ALMS1: variants seen among roughly 807,000 people sequenced by gnomAD.
The protein encoded by ALMS1 is centrosome-associated protein ALMS1.
In ALMS1, 271 loss-of-function variants were observed where a neutral mutation model predicts 352.2. The observed-to-expected ratio is 0.77, with a 90% CI of 0.70 to 0.85. The LOEUF is 0.85. Ranked by LOEUF, ALMS1 falls within the 40% of genes least tolerant of loss-of-function variation. The pLI, the probability that ALMS1 is intolerant of heterozygous loss-of-function variation, is 0.00. For missense variants in ALMS1, 5,445 were observed against 4,870.7 expected (o/e 1.12, Z -3.51); for synonymous variants, 1,865 against 1,761.2 (o/e 1.06, Z -1.48).
Position 73,450,902 on chromosome 2 carries a change from C to G in ALMS1, c.4375C>G (p.Pro1459Ala). 1 of 1,613,776 alleles carries G rather than the reference C, an allele frequency of 6.2e-7. No individual in the cohort carries two copies. The highest frequency in any genetic ancestry group is 1.1e-5 in the South Asian group (1 of 91,052). The stretch of plus-strand genomic sequence containing the variant: ...AGAGGCTTTGGAAGTTTCAGTTGCT[C>G]CTGGACCAGTTGACCAGACGATTGG... ...PEEALEVSVA[P>A]GPVDQTIGTP... Residue 1459 changes from proline to alanine, a missense_variant, in exon 8 of 23, where the codon CCT (proline) becomes GCT (alanine). Pro to Ala is a conservative substitution (Grantham distance 27). Transcript: ENST00000613296.
intron 10 of ALMS1, among the ~76,000 whole-genome samples, chr2:73,492,460 G>A (rs1332531491): frequency 1.3e-5 from 2 of 152,080 alleles, no homozygotes; most frequent in African/African-American, 4.8e-5. Flanking sequence ...AAGAGAAAGA[G>A]CATTCAAATG....
intron 19 of ALMS1, 78 bp downstream of exon 19, chr2:73,601,514 C>A (rs1675688358): frequency 1.9e-6 from 3 of 1,567,222 alleles, no homozygotes; most frequent in Non-Finnish European, 2.6e-6. Context: ...GGCTCTGTGA[C>A]TTGGTGAGCT....
chr2:73,394,465 C>G (rs1267438120), intron 1 of ALMS1, among the ~76,000 whole-genome samples: 2 of 152,120 alleles, frequency 1.3e-5, no homozygotes, highest in African/African-American at 4.8e-5. Context: ...AGTTCTCCTG[C>G]CTCAGCCTCC....
rs1670979074 is a variant in ALMS1 at position 73,406,635 on chromosome 2, C to A, written c.325-1987C>A. 2.6e-5 allele frequency among the ~76,000 whole-genome samples: 4 copies of A among 152,114 alleles called. No individual in the cohort carries two copies. The South Asian group carries it at 8.3e-4, about 32-fold the overall frequency. On this transcript the variant is annotated intron_variant, in intron 1 of 22. Transcript: ENST00000613296. ...TAAAACTCCTTAGGAGGATAACAACCTGTTTAAACTAGTAACAACTTCACT... is the reference window on the plus strand; with the variant it reads ...TAAAACTCCTTAGGAGGATAACAACATGTTTAAACTAGTAACAACTTCACT...
At position 73,451,755 on chromosome 2, in the gene ALMS1, A is replaced by C; in HGVS notation, c.5228A>C (p.Gln1743Pro). The change falls in exon 8 of 23, where the codon CAA becomes CCA. Residue 1743 changes from glutamine to proline, a missense_variant. Gln to Pro is a moderately conservative substitution (Grantham distance 76). Coordinates refer to ENST00000613296, the MANE Select transcript of ALMS1 (RefSeq NM_001378454.1). ...QEALKVSAVP[Q>P]PADQKTGLST... ...GCTCTGAAAGTTTCAGCTGTTCCTCAACCAGCTGACCAGAAGACTGGGTTA... is the reference window on the plus strand; with the variant it reads ...GCTCTGAAAGTTTCAGCTGTTCCTCCACCAGCTGACCAGAAGACTGGGTTA... 4.3e-6 allele frequency: 7 copies of C among 1,613,630 alleles called. No individual in the cohort carries two copies. Among genetic ancestry groups the C allele is most frequent in the South Asian group, 1.1e-5 (1 of 91,054 alleles).
intron 9 of ALMS1, chr2:73,462,669 A>G (rs964428709): frequency 1.3e-5 from 2 of 152,260 alleles, no homozygotes; most frequent in African/African-American, 4.8e-5. Flanking sequence ...GGCAAATTGG[A>G]TAAAGAGTCA....
chr2:73,557,687 A>G (rs764638591), intron 14 of ALMS1, among the ~76,000 whole-genome samples: 1 of 152,180 alleles, frequency 6.6e-6, no homozygotes, highest in Non-Finnish European at 1.5e-5. Context: ...CGGACCCTCT[A>G]ATACCATTTT....
intron 9 of ALMS1, among the ~76,000 whole-genome samples, chr2:73,471,217 ATCCT>A (rs906279880): frequency 1.4e-5 from 2 of 142,986 alleles, no homozygotes; most frequent in African/African-American, 2.6e-5. Context: ...TTTTGCTTTG[ATCCT>A]TCCTTTTTTT....
At chr2:73,435,134 A>G (rs1244703881) in intron 7 of ALMS1, among the ~76,000 whole-genome samples, 1 of 152,228 alleles carries the variant, frequency 6.6e-6, no homozygotes, top group African/African-American at 2.4e-5. Flanking sequence ...TGTATTATCA[A>G]AAATGATGTA....
intron 9 of ALMS1, among the ~76,000 whole-genome samples, chr2:73,476,862 C>T (rs780344082): frequency 1.3e-5 from 2 of 151,978 alleles, no homozygotes; most frequent in Non-Finnish European, 1.5e-5. Context: ...TTGTTAAGTT[C>T]TTGGAAACTG....
In ALMS1 at chr2:73,463,678, G is replaced by C. The variant is rs556808414; in HGVS notation, c.7674+8383G>C. ...GAATCCAGGAGCTGGTTTTTTGAAA[G>C]GATCAACAAAAGACCGCTAGCAAGA... On this transcript the variant is annotated intron_variant, in intron 9 of 22. Transcript: ENST00000613296. Among the ~76,000 whole-genome samples the C allele has an allele frequency of 2.2e-3, 269 of 125,036 alleles. 1 individual carries two copies. Among genetic ancestry groups the C allele is most frequent in the African/African-American group, 5.3e-3 (182 of 34,034 alleles). The allele number at this position is 125,036 out of a possible 152,430, so 82.0% of individuals were successfully genotyped here. A position where few individuals can be genotyped will look rare whatever the true frequency, so the allele number is the denominator to read the frequency against.
intron 15 of ALMS1, among the ~76,000 whole-genome samples, chr2:73,569,370 GGA>G (rs1674872772): frequency 6.6e-6 from 1 of 151,914 alleles, no homozygotes; most frequent in Non-Finnish European, 1.5e-5. Flanking sequence ...TCCCAGGCTG[GGA>G]GGACTATGTT....
intron 9 of ALMS1, among the ~76,000 whole-genome samples, chr2:73,475,968 A>G (rs1478513565): frequency 6.6e-6 from 1 of 152,088 alleles, no homozygotes; most frequent in Admixed American, 6.5e-5. Flanking sequence ...AAGTACATTC[A>G]TATTGTTGTT....
intron 3 of ALMS1, among the ~76,000 whole-genome samples, chr2:73,421,992 T>C (rs891783278): frequency 6.6e-6 from 1 of 152,150 alleles, no homozygotes; most frequent in Non-Finnish European, 1.5e-5. Flanking sequence ...ACTTTTTGGG[T>C]AACAGGATTC....
chr2:73,410,810 G>A (rs527529733), intron 2 of ALMS1, among the ~76,000 whole-genome samples: 2 of 151,164 alleles, frequency 1.3e-5, no homozygotes, highest in African/African-American at 2.5e-5. Context: ...AATGTTATTA[G>A]TGTTACTAAT....
At chr2:73,462,573 A>G (rs1672229313) in intron 9 of ALMS1, among the ~76,000 whole-genome samples, 1 of 152,248 alleles carries the variant, frequency 6.6e-6, no homozygotes, top group African/African-American at 2.4e-5. Flanking sequence ...ACCAGCTAAC[A>G]TCATAATGAC....
rs370553709 is a variant in ALMS1, at chr2:73,411,225, C to A, written c.450+2478C>A. Among the ~76,000 whole-genome samples, 13 of 151,506 alleles carry A rather than the reference C, an allele frequency of 8.6e-5. No homozygotes were observed. The East Asian group carries it at 1.2e-3, about 14-fold the overall frequency. On this transcript the variant is annotated intron_variant, in intron 2 of 22. Coordinates refer to ENST00000613296, the MANE Select transcript of ALMS1 (RefSeq NM_001378454.1). ...GAAAAACATACAAGGAGAAGATGGC[C>A]GTGTGAAGATGGAGGCAGAAATTGG... is the stretch of plus-strand genomic sequence containing the variant.
Position 73,572,737 on chromosome 2 carries a change from G to T in ALMS1, c.10860G>T (p.Arg3620Ser). ...RQQRQPELGD[R>S]KELSLVDRLD... is the part of the protein sequence containing the mutation. ...AGAGACAGCCTGAGTTGGGTGACAG[G>T]AAAGAACTGTCCTTGGTGGACCGAC... Residue 3620 changes from arginine to serine, a missense_variant, in exon 16 of 23, where the codon AGG becomes AGT. By Grantham distance (110) the Arg-to-Ser change is moderately radical. Transcript: ENST00000613296. The T allele has an allele frequency of 6.2e-7, 1 of 1,614,136 alleles. No individual in the cohort carries two copies.
intron 13 of ALMS1, among the ~76,000 whole-genome samples, chr2:73,552,247 T>C (rs1454241668): frequency 6.6e-6 from 1 of 152,198 alleles, no homozygotes; most frequent in East Asian, 1.9e-4. Context: ...GTGAAGTCTT[T>C]TTATAAATCC....
Sources: gnomAD v4.1 joint callset for allele counts (sites outside exome capture counted in the v4.1 genomes callset) on GRCh38, gnomAD v4.1.1 for gene constraint, MANE v1.5 for transcripts, NCBI Gene and HGNC (gene_info 2026-07-23, HGNC 2026-07-21) for gene names.